SCD5: variants seen among roughly 807,000 people sequenced by gnomAD.
SCD5 encodes stearoyl-CoA desaturase 5.
Under a neutral mutation model 30.4 loss-of-function variants are expected in SCD5, and 20 were observed. The observed-to-expected ratio is 0.66, with a 90% CI of 0.46 to 0.96. The LOEUF is 0.96. Ranked by LOEUF, SCD5 falls within the 40% of genes least tolerant of loss-of-function variation. The probability of loss-of-function intolerance (pLI) is 0.00; values close to 1 mark genes in which losing one functional copy is unlikely to be tolerated. For missense variants in SCD5, 381 were observed against 443.3 expected, an observed-to-expected ratio of 0.86 and a Z score of 1.26; for synonymous variants, 173 against 176.4, an observed-to-expected ratio of 0.98 and a Z score of 0.16.
intron 2 of SCD5, among the ~76,000 whole-genome samples, chr4:82,691,537 G>T (rs1340061807): frequency 2.0e-5 from 3 of 152,042 alleles, no homozygotes; most frequent in African/African-American, 7.2e-5. Context: ...GAATATATCT[G>T]GTCTTTGTGC....
chr4:82,725,797 T>G (rs953297311), intron 1 of SCD5, among the ~76,000 whole-genome samples: 1 of 151,956 alleles, frequency 6.6e-6, no homozygotes, highest in Non-Finnish European at 1.5e-5. Context: ...GAGGCAGAGG[T>G]TGCAGTGAGC....
rs751186058 is a variant in SCD5, at chr4:82,636,621, G to C, written c.772C>G (p.Gln258Glu). 1.7e-5 allele frequency: 27 copies of C among 1,614,046 alleles called. No individual in the cohort carries two copies. The highest frequency in any genetic ancestry group is 2.2e-5 in the Non-Finnish European group (26 of 1,180,038). The change falls in exon 4 of 5, where the codon CAG (glutamine) becomes GAG (glutamate). Residue 258 changes from glutamine to glutamate, a missense_variant. Physicochemically the swap from Gln to Glu is conservative, Grantham distance 29. Transcript: ENST00000319540. ...GCACCCAGAGCGACGAGTGGGTTCT[G>C]CCGAGGGCTGATGTGCTTGTCATAG... is the stretch of plus-strand genomic sequence containing the variant. ...RPYDKHISPR[Q>E]NPLVALGAIG...
chr4:82,637,328 C>T (rs1348115533), intron 3 of SCD5, among the ~76,000 whole-genome samples: 1 of 152,224 alleles, frequency 6.6e-6, no homozygotes, highest in Non-Finnish European at 1.5e-5. Context: ...AACAAGTTCT[C>T]TGTCCATCAG....
intron 3 of SCD5, among the ~76,000 whole-genome samples, chr4:82,676,761 G>C (rs1161811516): frequency 1.3e-5 from 2 of 152,188 alleles, no homozygotes; most frequent in Non-Finnish European, 2.9e-5. Flanking sequence ...TAAGTCATAA[G>C]ACCTAGGACA....
intron 1 of SCD5, 48 bp downstream of exon 1, chr4:82,798,258 C>G: frequency 1.4e-6 from 2 of 1,448,124 alleles, no homozygotes; most frequent in South Asian, 1.5e-5. Context: ...CGCCCCAGCG[C>G]GGCCTGGCCA....
intron 3 of SCD5, among the ~76,000 whole-genome samples, chr4:82,669,410 A>G (rs1208243412): frequency 1.3e-5 from 2 of 152,206 alleles, no homozygotes; most frequent in African/African-American, 4.8e-5. Context: ...GAACAAACTG[A>G]AAAAAAGTCA....
At chr4:82,748,285 T>TA (rs1416158514) in intron 1 of SCD5, among the ~76,000 whole-genome samples, 7 of 151,710 alleles carry the variant, frequency 4.6e-5, no homozygotes, top group African/African-American at 1.7e-4. Context: ...GGAGAATTGA[T>TA]AGACTCAGGC....
chr4:82,657,567 G>T (rs553091434), intron 3 of SCD5, among the ~76,000 whole-genome samples: 22 of 152,168 alleles, frequency 1.4e-4, no homozygotes, highest in Non-Finnish European at 2.5e-4. Context: ...GCTTAGGATT[G>T]TCTTGGTTAT....
At position 82,679,283 on chromosome 4, in the gene SCD5, G is replaced by GAAAGAAA. The variant is rs1560531769; in HGVS notation, c.569+1423_569+1424insTTTCTTT. Among the ~76,000 whole-genome samples, 6 of 123,502 alleles carry GAAAGAAA rather than the reference G, an allele frequency of 4.9e-5. 1 individual carries two copies. Among genetic ancestry groups the GAAAGAAA allele is most frequent in the African/African-American group, 1.5e-4 (5 of 34,170 alleles). 81.0% of individuals were successfully genotyped at this position (123,502 alleles called of 152,430 possible). A position where few individuals can be genotyped will look rare whatever the true frequency, so the allele number is the denominator to read the frequency against. On this transcript the variant is annotated intron_variant, in intron 3 of 4. Coordinates refer to ENST00000319540, the MANE Select transcript of SCD5 (RefSeq NM_001037582.3). Reference sequence around the variant, plus strand: ...AAGAAGGAAGGAAAGAAAGAAAGAAGGAAGGAAAGAAAGAAAGAAAACATC... The same window carrying GAAAGAAA: ...AAGAAGGAAGGAAAGAAAGAAAGAAGAAAGAAAGAAGGAAAGAAAGAAAGAAAACATC...
chr4:82,673,162 A>G (rs1024039034), intron 3 of SCD5, among the ~76,000 whole-genome samples: 2 of 152,150 alleles, frequency 1.3e-5, no homozygotes, highest in African/African-American at 4.8e-5. Flanking sequence ...TGGAAGTCCT[A>G]CCTAATGCAA....
At chr4:82,798,037 G>T (rs894578846) in intron 1 of SCD5, among the ~76,000 whole-genome samples, 4 of 151,016 alleles carry the variant, frequency 2.6e-5, no homozygotes, top group Non-Finnish European at 5.9e-5. Context: ...GCTCTCCATC[G>T]GGAAGCCGGC....
chr4:82,787,030 CCCT>C (rs1220920825), intron 1 of SCD5, among the ~76,000 whole-genome samples: 1 of 152,190 alleles, frequency 6.6e-6, no homozygotes, highest in East Asian at 1.9e-4. Flanking sequence ...ACAGTTAGCT[CCCT>C]CCTCCTAAGC....
chr4:82,717,624 T>C (rs1446405126), intron 1 of SCD5, among the ~76,000 whole-genome samples: 1 of 151,662 alleles, frequency 6.6e-6, no homozygotes, highest in Non-Finnish European at 1.5e-5. Context: ...ATCAAAATCG[T>C]TGGTCCTTTG....
rs145114666 is a variant in SCD5 at position 82,645,916 on chromosome 4, A to C, written c.570-9093T>G. 2.2e-3 allele frequency among the ~76,000 whole-genome samples: 337 copies of C among 152,348 alleles called. 2 individuals carry two copies. The highest frequency in any genetic ancestry group is 3.4e-3 in the Middle Eastern group (1 of 294). ...CTCATTTTTCTTTGGATGAAAAAGA[A>C]ATCACCGTTCTCTGTCTGCAAGCGT... is the stretch of plus-strand genomic sequence containing the variant. On this transcript the variant is annotated intron_variant, in intron 3 of 4. Transcript: ENST00000319540.
At position 82,636,685 on chromosome 4, in the gene SCD5, C is replaced by A. The variant is rs750011548; in HGVS notation, c.708G>T (p.Trp236Cys). ...LRYTISLNIS[W>C]LVNSAAHMYG... The stretch of plus-strand genomic sequence containing the variant: ...ACATGTGGGCGGCGCTGTTGACCAG[C>A]CAGCTGATGTTGAGTGAGATGGTAT... The change falls in exon 4 of 5, where the codon TGG becomes TGT. Residue 236 changes from tryptophan (W) to cysteine (C), a missense_variant. Trp to Cys is a radical substitution (Grantham distance 215). Coordinates refer to ENST00000319540, the MANE Select transcript of SCD5 (RefSeq NM_001037582.3). The A allele has an allele frequency of 6.2e-7, 1 of 1,614,172 alleles. No homozygotes were observed. The highest frequency in any genetic ancestry group is 2.2e-5 in the East Asian group (1 of 44,890).
At chr4:82,647,045 G>A (rs889017119) in intron 3 of SCD5, among the ~76,000 whole-genome samples, 13 of 152,142 alleles carry the variant, frequency 8.5e-5, no homozygotes, top group Non-Finnish European at 7.3e-5. Context: ...GGCTGGTCTC[G>A]AACTCCTGGC....
chr4:82,702,128 A>ATTTTTTTTTT (rs1162863297), intron 2 of SCD5, among the ~76,000 whole-genome samples: 2 of 84,798 alleles, frequency 2.4e-5, no homozygotes, highest in Non-Finnish European at 4.5e-5. Flanking sequence ...CCCCATCATC[A>ATTTTTTTTTT]TCTTTTTTTT....
At chr4:82,673,059 T>C (rs934136484) in intron 3 of SCD5, among the ~76,000 whole-genome samples, 3 of 152,098 alleles carry the variant, frequency 2.0e-5, no homozygotes, top group African/African-American at 7.2e-5. Flanking sequence ...AATATACAGC[T>C]AATGTCATAA....
chr4:82,773,371 C>A (rs185341886), intron 1 of SCD5, among the ~76,000 whole-genome samples: 20 of 152,320 alleles, frequency 1.3e-4, no homozygotes, highest in African/African-American at 4.3e-4. Context: ...GGGCATCCTG[C>A]CTCTCTTTGT....
Sources: gnomAD v4.1 joint callset for allele counts (sites outside exome capture counted in the v4.1 genomes callset) on GRCh38, gnomAD v4.1.1 for gene constraint, MANE v1.5 for transcripts, NCBI Gene and HGNC (gene_info 2026-07-23, HGNC 2026-07-21) for gene names.